CALN1: variants seen among roughly 807,000 people sequenced by gnomAD.
The protein encoded by CALN1 is calneuron 1, also known as calcium-binding protein 8.
In CALN1, 17 loss-of-function variants were observed where a neutral mutation model predicts 30.6. The ratio of observed to expected loss-of-function variants is 0.56; its 90% CI spans 0.38 to 0.83. The LOEUF is 0.83. CALN1 is among the 40% of genes least tolerant of loss of function. The pLI, the probability that CALN1 is intolerant of heterozygous loss-of-function variation, is 0.00. For synonymous variants in CALN1, 156 were observed against 131.4 expected (o/e 1.19, Z -1.28); for missense variants, 291 against 354.9 (o/e 0.82, Z 1.45).
chr7:72,293,826 G>A (rs1229556083), intron 2 of CALN1, among the ~76,000 whole-genome samples: 1 of 152,156 alleles, frequency 6.6e-6, no homozygotes, highest in Non-Finnish European at 1.5e-5. Flanking sequence ...GCCAGGCACG[G>A]TGGCTCACAC....
intron 3 of CALN1, among the ~76,000 whole-genome samples, chr7:72,246,656 A>G (rs1795178458): frequency 6.6e-6 from 1 of 152,132 alleles, no homozygotes; most frequent in Admixed American, 6.5e-5. Context: ...ACATAGAAAT[A>G]AGGACACGGT....
chr7:72,310,572 C>T (rs937270979), intron 2 of CALN1, among the ~76,000 whole-genome samples: 4 of 151,842 alleles, frequency 2.6e-5, no homozygotes, highest in African/African-American at 9.7e-5. Context: ...CATGGTGTGG[C>T]GGTGGACACT....
chr7:72,203,380 A>C, intron 3 of CALN1, among the ~76,000 whole-genome samples: 1 of 151,920 alleles, frequency 6.6e-6, no homozygotes, highest in East Asian at 1.9e-4. Context: ...CCTTAAATTT[A>C]CGCGAAACAA....
chr7:72,212,220 G>A (rs1585178213), intron 3 of CALN1, among the ~76,000 whole-genome samples: 1 of 151,634 alleles, frequency 6.6e-6, no homozygotes, highest in East Asian at 2.0e-4. Flanking sequence ...GTGGTGGCAG[G>A]CACCTGTAAT....
chr7:72,264,024 G>C lies in CALN1; in HGVS notation c.244+14662C>G, dbSNP rs528770707. Among the ~76,000 whole-genome samples the C allele has an allele frequency of 2.0e-5, 3 of 152,262 alleles. No homozygotes were observed. The East Asian group carries it at 5.8e-4, about 29-fold the overall frequency. On this transcript the variant is annotated intron_variant, in intron 3 of 6. Transcript: ENST00000395275. ...GGCCACTGGTTTGGACTGAGCTCCT[G>C]CACGCGGCCCAATAAACCAAACCAA...
At chr7:72,501,908 CAAAA>C in the CALN1 span, among the ~76,000 whole-genome samples, 692 of 24,588 alleles carry the variant, frequency 0.028, 6 homozygotes, top group Middle Eastern at 0.042. Flanking sequence ...GATTTCGTCT[CAAAA>C]AAAAAAAAAA....
At position 72,247,227 on chromosome 7, in the gene CALN1, C is replaced by CTTTTTT. The variant is rs764276435; in HGVS notation, c.244+31453_244+31458dup. On this transcript the variant is annotated intron_variant, in intron 3 of 6. Transcript: ENST00000395275. ...GGGTTTTCAACAGACCATTTTCTTT[C>CTTTTTT]TTTTTTTTTTTTTTTTTTTTTTTTT... Among the ~76,000 whole-genome samples, 96 of 77,692 alleles carry CTTTTTT rather than the reference C, an allele frequency of 1.2e-3. 8 individuals carry two copies. The highest frequency in any genetic ancestry group is 1.7e-3 in the Non-Finnish European group (72 of 42,952). The allele number at this position is 77,692 out of a possible 152,430, so 51.0% of individuals were successfully genotyped here. A position where few individuals can be genotyped will look rare whatever the true frequency, so the allele number is the denominator to read the frequency against.
At chr7:71,798,136 AG>A (rs1787066958) in intron 6 of CALN1, among the ~76,000 whole-genome samples, 1 of 127,410 alleles carries the variant, frequency 7.8e-6, no homozygotes, top group Non-Finnish European at 1.6e-5. Flanking sequence ...AGAGAGAGAG[AG>A]AGAGAGAGAG....
chr7:72,373,372 C>T (rs916339921), intron 2 of CALN1, among the ~76,000 whole-genome samples: 3 of 152,110 alleles, frequency 2.0e-5, no homozygotes, highest in African/African-American at 4.8e-5. Context: ...TCAAATTTTG[C>T]AAAATGCAGA....
chr7:71,947,683 G>A (rs371714935), intron 5 of CALN1, among the ~76,000 whole-genome samples: 2 of 152,230 alleles, frequency 1.3e-5, no homozygotes, highest in South Asian at 2.1e-4. Flanking sequence ...GCTCACACCT[G>A]TAATCCCAGC....
intron 3 of CALN1, among the ~76,000 whole-genome samples, chr7:72,108,931 T>C (rs991577548): frequency 1.3e-5 from 2 of 152,210 alleles, no homozygotes; most frequent in Non-Finnish European, 2.9e-5. Context: ...TTGCTCACCA[T>C]AGCCAAGTTA....
rs1312584952 is a variant in CALN1 at position 71,987,815 on chromosome 7, A to T, written c.501+35842T>A. 3.3e-5 allele frequency among the ~76,000 whole-genome samples: 5 copies of T among 152,266 alleles called. No individual in the cohort carries two copies. In the South Asian group the frequency reaches 6.2e-4, roughly 19 times the overall value. Reference sequence around the variant, plus strand: ...CGTCTCTTTTTTATTGTCTCTAAGGACAGGCTCTAGAGTCTCCATCCTTTA... The same window carrying T: ...CGTCTCTTTTTTATTGTCTCTAAGGTCAGGCTCTAGAGTCTCCATCCTTTA... On this transcript the variant is annotated intron_variant, in intron 5 of 6. Coordinates refer to ENST00000395275, the MANE Select transcript of CALN1 (RefSeq NM_031468.4).
chr7:72,235,969 C>A (rs1394190669), intron 3 of CALN1, among the ~76,000 whole-genome samples: 1 of 151,348 alleles, frequency 6.6e-6, no homozygotes. Flanking sequence ...CTGGGCCAGG[C>A]ACAGTGGCTC....
At position 71,892,519 on chromosome 7, in the gene CALN1, T is replaced by C. The variant is rs577783235; in HGVS notation, c.502-82027A>G. Reference sequence around the variant, plus strand: ...CAGGAATGGTGGTGCCCACCTGTAATCCCCGCTACTCAGGAGAATCGCTTG... The same window carrying C: ...CAGGAATGGTGGTGCCCACCTGTAACCCCCGCTACTCAGGAGAATCGCTTG... On this transcript the variant is annotated intron_variant, in intron 5 of 6. Transcript: ENST00000395275. Among the ~76,000 whole-genome samples, 4 of 152,142 alleles carry C rather than the reference T, an allele frequency of 2.6e-5. No homozygotes were observed. In the East Asian group the frequency reaches 7.7e-4, roughly 29 times the overall value.
chr7:72,066,035 T>G (rs1447320073), intron 4 of CALN1, among the ~76,000 whole-genome samples: 1 of 152,242 alleles, frequency 6.6e-6, no homozygotes, highest in Non-Finnish European at 1.5e-5. Context: ...TGGATCCACA[T>G]CCAAGCTCAA....
chr7:71,965,911 T>C (rs187903435), intron 5 of CALN1, among the ~76,000 whole-genome samples: 1 of 151,930 alleles, frequency 6.6e-6, no homozygotes, highest in Non-Finnish European at 1.5e-5. Context: ...AAAAGGACAG[T>C]AGCGGTGCTT....
At position 71,787,688 on chromosome 7, in the gene CALN1, C is replaced by T; in HGVS notation, c.*87G>A. ...CCGCATCCATCCATAGTCCATAGGT[C>T]CGTGTCTGCTGTGTGGAGGAAGAGT... On this transcript the variant is annotated 3_prime_UTR_variant, in exon 7 of 7. Coordinates refer to ENST00000395275, the MANE Select transcript of CALN1 (RefSeq NM_031468.4). The T allele has an allele frequency of 6.4e-7, 1 of 1,552,530 alleles. No homozygotes were observed. Among genetic ancestry groups the T allele is most frequent in the African/African-American group, 1.3e-5 (1 of 74,222 alleles).
chr7:72,341,486 G>A (rs1463012623), intron 2 of CALN1, among the ~76,000 whole-genome samples: 2 of 152,164 alleles, frequency 1.3e-5, no homozygotes, highest in East Asian at 1.9e-4. Flanking sequence ...TTGTGCTACT[G>A]CACTCCAGTC....
chr7:72,403,754 T>C (rs1006684108), intron 1 of CALN1, among the ~76,000 whole-genome samples: 3 of 152,212 alleles, frequency 2.0e-5, no homozygotes, highest in Non-Finnish European at 4.4e-5. Flanking sequence ...TGGAGAAAGC[T>C]ATAGCCGCCA....
Sources: gnomAD v4.1 joint callset for allele counts (sites outside exome capture counted in the v4.1 genomes callset) on GRCh38, gnomAD v4.1.1 for gene constraint, MANE v1.5 for transcripts, NCBI Gene and HGNC (gene_info 2026-07-23, HGNC 2026-07-21) for gene names.